Variants in CHAF1B observed in about 807,000 individuals in gnomAD.
CHAF1B encodes the protein chromatin assembly factor 1 subunit B, also known as CAF-1 subunit B.
A neutral mutation model predicts 60.7 loss-of-function variants in CHAF1B; 10 were observed. That is an observed-to-expected ratio of 0.16 (90% confidence interval 0.10 to 0.28). The LOEUF (loss-of-function observed/expected upper bound fraction) is 0.28. Among genes scored for constraint, CHAF1B ranks in the 10% least tolerant of loss-of-function variants. CHAF1B has a pLI of 1.00. For missense variants in CHAF1B, 558 were observed against 708.4 expected (o/e 0.79, Z 2.41); for synonymous variants, 261 against 266.1 (o/e 0.98, Z 0.19).
intron 12 of CHAF1B, among the ~76,000 whole-genome samples, chr21:36,413,586 C>T (rs1394543387): frequency 6.6e-6 from 1 of 152,150 alleles, no homozygotes; most frequent in East Asian, 1.9e-4. Flanking sequence ...AGGACTGTGG[C>T]CACTCTCTCT....
intron 8 of CHAF1B, 64 bp from the exon 9 acceptor site, chr21:36,408,697 G>T (rs2086255290): frequency 8.5e-7 from 1 of 1,173,234 alleles, no homozygotes; most frequent in Non-Finnish European, 1.3e-6. Flanking sequence ...TTGAGTTTCT[G>T]TTGGTGAACA....
In CHAF1B at chr21:36,402,892, G is replaced by A. The variant is rs542931023; in HGVS notation, c.757+41G>A. Reference sequence around the variant, plus strand: ...TTGGACTTAAAGGAATGATGGCCGAGTGGGGATGTCTGCTCCCGTTTTACG... The same window carrying A: ...TTGGACTTAAAGGAATGATGGCCGAATGGGGATGTCTGCTCCCGTTTTACG... On this transcript the variant is annotated intron_variant, in intron 8 of 13. Transcript: ENST00000314103. 3.4e-4 allele frequency: 503 copies of A among 1,499,482 alleles called. 4 individuals are homozygous for A. The highest frequency in any genetic ancestry group is 5.9e-4 in the East Asian group (26 of 44,330). The allele number at this position is 1,499,482 out of a possible 1,614,324, so 92.9% of individuals were successfully genotyped here.
intron 13 of CHAF1B, 99 bp from the exon 14 acceptor site, chr21:36,416,176 G>A: frequency 9.9e-7 from 1 of 1,013,084 alleles, no homozygotes; most frequent in Non-Finnish European, 1.5e-6. Flanking sequence ...TTGCCAGGCA[G>A]CTCAGTTCCG....
At chr21:36,389,800 T>TGTGCGTGCGCGCGCGCGC in intron 3 of CHAF1B, among the ~76,000 whole-genome samples, 3 of 124,746 alleles carry the variant, frequency 2.4e-5, no homozygotes, top group Admixed American at 7.6e-5. Flanking sequence ...TGTGTGTGTG[T>TGTGCGTGCGCGCGCGCGC]GCGCGCGCAC....
At chr21:36,401,618 A>G (rs1420857985) in intron 7 of CHAF1B, among the ~76,000 whole-genome samples, 1 of 138,218 alleles carries the variant, frequency 7.2e-6, no homozygotes, top group Non-Finnish European at 1.5e-5. Context: ...TACATAATAT[A>G]TATTTTTATA....
At chr21:36,386,015 A>G (rs1422382983) in intron 1 of CHAF1B, 45 bp from the exon 2 acceptor site, 8 of 1,245,292 alleles carry the variant, frequency 6.4e-6, no homozygotes, top group East Asian at 4.7e-5. Flanking sequence ...TCAGCGCTCA[A>G]TAACCCTTTG....
intron 4 of CHAF1B, among the ~76,000 whole-genome samples, chr21:36,392,240 G>T (rs951239882): frequency 7.2e-5 from 11 of 152,130 alleles, no homozygotes; most frequent in Admixed American, 2.0e-4. Context: ...AGGGGGTTGG[G>T]GGTAAGGTTA....
intron 1 of CHAF1B, among the ~76,000 whole-genome samples, chr21:36,385,779 G>A (rs2086025881): frequency 6.6e-6 from 1 of 152,078 alleles, no homozygotes. Context: ...CGCGCCCCTA[G>A]CCCCTACTAA....
chr21:36,390,635 A>G (rs773981516), intron 3 of CHAF1B, among the ~76,000 whole-genome samples: 36 of 152,206 alleles, frequency 2.4e-4, no homozygotes, highest in Admixed American at 8.5e-4. Flanking sequence ...TAATCCTCAC[A>G]ACAGCCTGTG....
chr21:36,407,863 G>A (rs1488948122), intron 8 of CHAF1B, among the ~76,000 whole-genome samples: 2 of 151,756 alleles, frequency 1.3e-5, no homozygotes, highest in Non-Finnish European at 2.9e-5. Context: ...CTGTAATCCC[G>A]GCTACTCAGG....
intron 11 of CHAF1B, 152 bp downstream of exon 11, chr21:36,411,756 T>C (rs2146376329): frequency 1.1e-6 from 1 of 897,904 alleles, no homozygotes; most frequent in East Asian, 2.6e-5. Flanking sequence ...TGAGACCAAG[T>C]ATCACTCTGT....
At position 36,399,036 on chromosome 21, in the gene CHAF1B, ATTTTTTTTTT is replaced by A. The variant is rs201186457; in HGVS notation, c.579-476_579-467del. Among the ~76,000 whole-genome samples the A allele has an allele frequency of 1.5e-3, 210 of 138,462 alleles. No individual in the cohort carries two copies. In the East Asian group the frequency reaches 0.024, roughly 16 times the overall value. 90.8% of individuals were successfully genotyped at this position (138,462 alleles called of 152,430 possible). ...CTAGTGGGAGTAATGTGACTTACCA[ATTTTTTTTTT>A]TTTTTTTTGAGACAGAATCTCGCTC... On this transcript the variant is annotated intron_variant, in intron 6 of 13. Coordinates refer to ENST00000314103, the MANE Select transcript of CHAF1B (RefSeq NM_005441.3).
intron 2 of CHAF1B, among the ~76,000 whole-genome samples, chr21:36,387,208 A>G (rs971138465): frequency 6.6e-6 from 1 of 151,120 alleles, no homozygotes; most frequent in Non-Finnish European, 1.5e-5. Context: ...TTCTTTCTGA[A>G]AATAAGCATA....
At chr21:36,394,678 G>A (rs1224157400) in intron 5 of CHAF1B, 28 bp downstream of exon 5, 6 of 1,439,214 alleles carry the variant, frequency 4.2e-6, no homozygotes, top group Non-Finnish European at 9.7e-7. Context: ...GTTATTAGCA[G>A]GAAGAAATAT....
chr21:36,402,645 T>C (rs1041246054), intron 7 of CHAF1B, 113 bp from the exon 8 acceptor site: 4 of 761,538 alleles, frequency 5.3e-6, no homozygotes, highest in African/African-American at 5.2e-5. Flanking sequence ...CATAGGCACA[T>C]ATAGCAGTTG....
At position 36,387,680 on chromosome 21, in the gene CHAF1B, A is replaced by G; in HGVS notation, c.209A>G (p.Asn70Ser). ...CTTGCTCGTCATACCAAAGCCGTCA[A>G]TGTTGTGCGTTTTTCTCCAACTGGG... ...SNLARHTKAV[N>S]VVRFSPTGEI... Residue 70 changes from asparagine to serine, a missense_variant, in exon 3 of 14, where the codon AAT becomes AGT. Transcript: ENST00000314103. The G allele has an allele frequency of 1.2e-6, 2 of 1,614,202 alleles. No homozygotes were observed. The highest frequency in any genetic ancestry group is 1.7e-6 in the Non-Finnish European group (2 of 1,180,030).
At chr21:36,411,797 C>T (rs939999382) in intron 11 of CHAF1B, among the ~76,000 whole-genome samples, 193 bp downstream of exon 11, 17 of 151,712 alleles carry the variant, frequency 1.1e-4, no homozygotes, top group African/African-American at 3.6e-4. Flanking sequence ...GGTGTGATCT[C>T]GTTTCACTGC....
At chr21:36,401,718 C>T (rs2086193490) in intron 7 of CHAF1B, among the ~76,000 whole-genome samples, 2 of 145,458 alleles carry the variant, frequency 1.4e-5, no homozygotes, top group East Asian at 4.0e-4. Context: ...GTAATGCCGG[C>T]TTCCTTGTGT....
Position 36,417,999 on chromosome 21 carries a change from TGCATTTC to T in CHAF1B, c.*1634_*1640del, listed in dbSNP as rs2086331431. 1 of 151,974 alleles carries T rather than the reference TGCATTTC, an allele frequency of 6.6e-6. No individual in the cohort carries two copies. Among genetic ancestry groups the T allele is most frequent in the African/African-American group, 2.4e-5 (1 of 41,386 alleles). The allele number at this position is 151,974 out of a possible 1,614,324, so 9.4% of individuals were successfully genotyped here. Reference sequence around the variant, plus strand: ...CTGGATACGGTCTGTTCTGGTTAAATGCATTTCCACTGAAAGCATTTTTTTTTTTTTC... The same window carrying T: ...CTGGATACGGTCTGTTCTGGTTAAATCACTGAAAGCATTTTTTTTTTTTTC... On this transcript the variant is annotated 3_prime_UTR_variant, in exon 14 of 14. Transcript: ENST00000314103.
Sources: allele counts gnomAD v4.1 joint callset (sites outside exome capture counted in the v4.1 genomes callset), GRCh38; gene constraint gnomAD v4.1.1; transcripts MANE v1.5; gene names NCBI Gene and HGNC (gene_info 2026-07-23, HGNC 2026-07-21).